Variants in B3GALT1 observed in about 807,000 individuals in gnomAD.
B3GALT1 encodes beta-1,3-galactosyltransferase 1.
A neutral mutation model predicts 23.2 loss-of-function variants in B3GALT1; 10 were observed. The ratio of observed to expected loss-of-function variants is 0.43; its 90% CI spans 0.27 to 0.73. B3GALT1 has a LOEUF of 0.73. Ranked by LOEUF, B3GALT1 falls within the 30% of genes least tolerant of loss-of-function variation. The probability of loss-of-function intolerance (pLI) is 0.21; values close to 1 mark genes in which losing one functional copy is unlikely to be tolerated. For synonymous variants in B3GALT1, 156 were observed against 141.5 expected (o/e 1.10, Z -0.73); for missense variants, 299 against 405.4 (o/e 0.74, Z 2.25).
intron 1 of B3GALT1, among the ~76,000 whole-genome samples, chr2:167,412,292 A>T (rs1464391075): frequency 1.3e-5 from 2 of 152,200 alleles, no homozygotes; most frequent in Non-Finnish European, 2.9e-5. Context: ...TATTCATCAC[A>T]TGACATCAAG....
At chr2:167,782,907 A>C (rs962734504) in intron 3 of B3GALT1, among the ~76,000 whole-genome samples, 7 of 152,238 alleles carry the variant, frequency 4.6e-5, no homozygotes, top group African/African-American at 1.7e-4. Context: ...ATATTAAAGA[A>C]ATAAACATTT....
intron 3 of B3GALT1, among the ~76,000 whole-genome samples, chr2:167,803,489 C>A (rs563847912): frequency 6.6e-6 from 1 of 152,064 alleles, no homozygotes; most frequent in Non-Finnish European, 1.5e-5. Flanking sequence ...TCACAATAGG[C>A]GTAGCTCTAT....
At chr2:167,802,186 C>T (rs1688651471) in intron 3 of B3GALT1, among the ~76,000 whole-genome samples, 1 of 152,220 alleles carries the variant, frequency 6.6e-6, no homozygotes, top group African/African-American at 2.4e-5. Context: ...TCCCTGTGAG[C>T]TCAGACAGAC....
chr2:167,715,347 T>C, intron 3 of B3GALT1: 2 of 1,613,954 alleles, frequency 1.2e-6, no homozygotes, highest in Non-Finnish European at 1.7e-6. Context: ...TTCTGTTTAT[T>C]AAGTTCAGTC....
intron 1 of B3GALT1, among the ~76,000 whole-genome samples, chr2:167,442,397 A>C (rs1319199512): frequency 6.6e-6 from 1 of 152,136 alleles, no homozygotes; most frequent in African/African-American, 2.4e-5. Context: ...TATAGCCAGT[A>C]ATGGGATTGC....
chr2:167,314,379 A>T (rs1676294105), intron 1 of B3GALT1, among the ~76,000 whole-genome samples: 1 of 152,180 alleles, frequency 6.6e-6, no homozygotes, highest in African/African-American at 2.4e-5. Context: ...TACTTGTATA[A>T]CATTATAAGC....
intron 1 of B3GALT1, among the ~76,000 whole-genome samples, chr2:167,457,465 G>A (rs1275702347): frequency 1.3e-5 from 2 of 151,846 alleles, no homozygotes; most frequent in African/African-American, 4.8e-5. Context: ...GAGCCACCAT[G>A]CCTGGCCTTC....
At chr2:167,552,581 T>C (rs1283417990) in intron 2 of B3GALT1, among the ~76,000 whole-genome samples, 1 of 151,816 alleles carries the variant, frequency 6.6e-6, no homozygotes, top group Non-Finnish European at 1.5e-5. Context: ...TATATGTTAT[T>C]GTTATTGTTA....
chr2:167,491,277 A>G (rs1699704791), intron 2 of B3GALT1, among the ~76,000 whole-genome samples: 1 of 152,140 alleles, frequency 6.6e-6, no homozygotes. Flanking sequence ...TGGGGCCTGA[A>G]CACTCTGTGG....
intron 2 of B3GALT1, among the ~76,000 whole-genome samples, chr2:167,562,258 C>T (rs753875620): frequency 2.0e-5 from 3 of 151,846 alleles, no homozygotes; most frequent in Non-Finnish European, 4.4e-5. Context: ...ATTCAACAAC[C>T]CTTCATGCTA....
intron 1 of B3GALT1, among the ~76,000 whole-genome samples, chr2:167,390,743 CT>C (rs1456950110): frequency 2.6e-5 from 4 of 152,104 alleles, no homozygotes; most frequent in African/African-American, 7.2e-5. Context: ...ACTAATGTCT[CT>C]TGAGGGAAGG....
At chr2:167,703,986 C>T (rs1243677692) in intron 3 of B3GALT1, among the ~76,000 whole-genome samples, 1 of 151,942 alleles carries the variant, frequency 6.6e-6, no homozygotes, top group Non-Finnish European at 1.5e-5. Flanking sequence ...TCAAGACCTT[C>T]CTGGCTAACA....
intron 1 of B3GALT1, among the ~76,000 whole-genome samples, chr2:167,476,075 C>T (rs906683866): frequency 6.6e-6 from 1 of 152,190 alleles, no homozygotes. Flanking sequence ...ATTCTATCTG[C>T]AACGACCCTA....
chr2:167,538,870 G>A (rs546684189), intron 2 of B3GALT1, among the ~76,000 whole-genome samples: 1 of 151,930 alleles, frequency 6.6e-6, no homozygotes, highest in Non-Finnish European at 1.5e-5. Context: ...CTAGAGTGCT[G>A]ATAGGTAATA....
intron 2 of B3GALT1, among the ~76,000 whole-genome samples, chr2:167,608,458 T>G (rs1685004584): frequency 6.6e-6 from 1 of 152,196 alleles, no homozygotes; most frequent in Admixed American, 6.5e-5. Context: ...AAGGTTTAAT[T>G]CTTAATCTTT....
At chr2:167,458,010 C>T (rs1342736330) in intron 1 of B3GALT1, among the ~76,000 whole-genome samples, 1 of 152,110 alleles carries the variant, frequency 6.6e-6, no homozygotes, top group Non-Finnish European at 1.5e-5. Context: ...GTATGCAATT[C>T]AATGTTATTA....
At position 167,869,380 on chromosome 2, in the gene B3GALT1, C is replaced by T. The variant is rs1173941888; in HGVS notation, c.341C>T (p.Thr114Ile). 24 of 1,614,116 alleles carry T rather than the reference C, an allele frequency of 1.5e-5. No homozygotes were observed. The highest frequency in any genetic ancestry group is 2.0e-5 in the Non-Finnish European group (24 of 1,180,022). The change falls in exon 5 of 5, where the codon ACC becomes ATC. Residue 114 changes from threonine (T) to isoleucine (I), a missense_variant. This residue lies in a region of B3GALT1 where 162 missense variants were observed against 184.1 expected (regional missense o/e 0.88). Coordinates refer to ENST00000392690, the MANE Select transcript of B3GALT1 (RefSeq NM_020981.4). The surrounding 1 kb of genome is among the most constrained non-coding windows in gnomAD (Gnocchi z 6.4). ...ENNFKGIKIA[T>I]LFLLGKNADP... ...AACTTTAAGGGGATCAAGATAGCCACCCTGTTCCTCCTGGGCAAGAATGCT... is the reference window on the plus strand; with the variant it reads ...AACTTTAAGGGGATCAAGATAGCCATCCTGTTCCTCCTGGGCAAGAATGCT...
chr2:167,585,062 T>G (rs1275988718), intron 2 of B3GALT1, among the ~76,000 whole-genome samples: 1 of 152,184 alleles, frequency 6.6e-6, no homozygotes, highest in Non-Finnish European at 1.5e-5. Flanking sequence ...TAAACAGCTC[T>G]CATCCTGAAG....
At position 167,406,433 on chromosome 2, in the gene B3GALT1, A is replaced by G. The variant is rs566979454; in HGVS notation, c.-510-83744A>G. Among the ~76,000 whole-genome samples, 65 of 152,220 alleles carry G rather than the reference A, an allele frequency of 4.3e-4. 1 individual carries two copies. In the South Asian group the frequency reaches 0.013, roughly 30 times the overall value. Reference sequence around the variant, plus strand: ...AATTCCTGGAGCCACAGAAAAGTGGAGAAACTCCAAGCAGATAGTAAAAGA... The same window carrying G: ...AATTCCTGGAGCCACAGAAAAGTGGGGAAACTCCAAGCAGATAGTAAAAGA... On this transcript the variant is annotated intron_variant, in intron 1 of 4. Coordinates refer to ENST00000392690, the MANE Select transcript of B3GALT1 (RefSeq NM_020981.4).
Sources: gnomAD v4.1 joint callset for allele counts (sites outside exome capture counted in the v4.1 genomes callset) on GRCh38, gnomAD v4.1.1 for gene constraint, gnomAD v4.1.1 regional missense constraint, Gnocchi (gnomAD v3.1) non-coding constraint, MANE v1.5 for transcripts, NCBI Gene and HGNC (gene_info 2026-07-23, HGNC 2026-07-21) for gene names.